Variants in PRKN observed in about 807,000 individuals in gnomAD.
The protein encoded by PRKN is parkin RBR E3 ubiquitin protein ligase, also known as E3 ubiquitin-protein ligase parkin.
PRKN carries 56 observed loss-of-function variants against 59.5 expected under a neutral mutation model. The observed-to-expected ratio is 0.94, with a 90% CI of 0.76 to 1.18. The LOEUF (loss-of-function observed/expected upper bound fraction) is 1.18, where lower values mean the gene tolerates loss of function less well. PRKN is among the 50% of genes most tolerant of loss of function. The pLI, the probability that PRKN is intolerant of heterozygous loss-of-function variation, is 0.00. For synonymous variants in PRKN, 250 were observed against 222.1 expected, an observed-to-expected ratio of 1.13 and a Z score of -1.12; for missense variants, 657 against 596.4, an observed-to-expected ratio of 1.10 and a Z score of -1.06.
chr6:162,182,703 T>G (rs73594228), intron 4 of PRKN, among the ~76,000 whole-genome samples: 10,212 of 152,314 alleles, frequency 0.067, 1,116 homozygotes, highest in African/African-American at 0.23. Context: ...CTCATTTTAT[T>G]GCACTTTTAC....
chr6:161,371,421 T>A lies in PRKN; in HGVS notation c.1168-11216A>T, dbSNP rs1785439779. 1.3e-5 allele frequency among the ~76,000 whole-genome samples: 2 copies of A among 152,050 alleles called. No homozygotes were observed. The highest frequency in any genetic ancestry group is 4.1e-4 in the South Asian group (2 of 4,828). ...CTCAGGTGATCTGCCCGCCTCCGTC[T>A]CCCAAAGTGCTTGGATTACAGGTGT... On this transcript the variant is annotated intron_variant, in intron 10 of 11. Transcript: ENST00000366898. This position sits in a 1 kb window ranked among gnomAD's most constrained non-coding sequence, Gnocchi z 5.5.
chr6:161,438,029 T>C (rs536056743), intron 9 of PRKN, among the ~76,000 whole-genome samples: 1 of 152,108 alleles, frequency 6.6e-6, no homozygotes, highest in Non-Finnish European at 1.5e-5. Flanking sequence ...AGAGCTGGTG[T>C]GAGTCGTACT....
At chr6:161,931,405 T>C (rs1234714935) in intron 6 of PRKN, among the ~76,000 whole-genome samples, 4 of 152,122 alleles carry the variant, frequency 2.6e-5, no homozygotes, top group Non-Finnish European at 5.9e-5. Flanking sequence ...ACCACTGCAC[T>C]CCAGCCTCCA....
At chr6:161,786,208 C>G (rs1438899888) in intron 6 of PRKN, among the ~76,000 whole-genome samples, 2 of 152,136 alleles carry the variant, frequency 1.3e-5, no homozygotes, top group Non-Finnish European at 2.9e-5. Flanking sequence ...TTCCCTGACT[C>G]AGAATTCCCA....
At chr6:162,611,339 G>A (rs897843668) in intron 1 of PRKN, among the ~76,000 whole-genome samples, 1 of 152,168 alleles carries the variant, frequency 6.6e-6, no homozygotes, top group African/African-American at 2.4e-5. Flanking sequence ...TTGCTACAAT[G>A]TGCTGATCTT....
intron 1 of PRKN, among the ~76,000 whole-genome samples, chr6:162,492,349 A>G (rs901262845): frequency 2.0e-5 from 3 of 152,212 alleles, no homozygotes; most frequent in South Asian, 2.1e-4. Context: ...CAACCATTCA[A>G]TGCAGGCTGA....
At chr6:161,783,662 G>A in intron 7 of PRKN, 3 of 505,850 alleles carry the variant, frequency 5.9e-6, no homozygotes, top group Non-Finnish European at 1.2e-5. Context: ...TATTGTTTGT[G>A]GCTTTGTGAA....
At chr6:162,414,573 T>C (rs955177057) in intron 2 of PRKN, among the ~76,000 whole-genome samples, 1 of 151,336 alleles carries the variant, frequency 6.6e-6, no homozygotes, top group Non-Finnish European at 1.5e-5. Flanking sequence ...TAGCCGCGCA[T>C]GGTTGGTGGT....
At chr6:162,600,439 T>A (rs1781661185) in intron 1 of PRKN, among the ~76,000 whole-genome samples, 1 of 152,220 alleles carries the variant, frequency 6.6e-6, no homozygotes, top group African/African-American at 2.4e-5. Flanking sequence ...TGAACATTTT[T>A]GTACAAGTCT....
At chr6:161,438,889 A>G (rs1433724347) in intron 9 of PRKN, among the ~76,000 whole-genome samples, 1 of 152,164 alleles carries the variant, frequency 6.6e-6, no homozygotes, top group Middle Eastern at 3.2e-3. Context: ...CATTTTGTTT[A>G]AGAAATATAA....
chr6:161,966,628 A>T (rs994503843), intron 6 of PRKN, among the ~76,000 whole-genome samples: 1 of 152,172 alleles, frequency 6.6e-6, no homozygotes, highest in Non-Finnish European at 1.5e-5. Flanking sequence ...CTTTTTGTTC[A>T]GCTTGTTATG....
At chr6:162,112,294 G>GT (rs1219497941) in intron 4 of PRKN, among the ~76,000 whole-genome samples, 1 of 152,120 alleles carries the variant, frequency 6.6e-6, no homozygotes, top group Non-Finnish European at 1.5e-5. Context: ...CCAGTCTAAA[G>GT]TTTTTTGAAA....
At chr6:161,521,212 T>C (rs1778808196) in intron 9 of PRKN, among the ~76,000 whole-genome samples, 1 of 85,244 alleles carries the variant, frequency 1.2e-5, no homozygotes, top group Non-Finnish European at 2.7e-5. Flanking sequence ...AAATGAAGAA[T>C]AAGAGAGTGA....
intron 1 of PRKN, among the ~76,000 whole-genome samples, chr6:162,642,496 A>C (rs2128224787): frequency 6.6e-6 from 1 of 152,196 alleles, no homozygotes; most frequent in East Asian, 1.9e-4. Context: ...TATAAAACAT[A>C]ATCACTGTTA....
chr6:161,853,553 T>G (rs1793520610), intron 6 of PRKN, among the ~76,000 whole-genome samples: 2 of 152,248 alleles, frequency 1.3e-5, no homozygotes, highest in African/African-American at 4.8e-5. Flanking sequence ...CACCAAGCAC[T>G]AAACTGAAAT....
chr6:162,348,800 A>C (rs1270545837), intron 2 of PRKN, among the ~76,000 whole-genome samples: 1 of 152,120 alleles, frequency 6.6e-6, no homozygotes, highest in Admixed American at 6.5e-5. Flanking sequence ...AAAAAAGAAA[A>C]AGAGAGAGAG....
intron 2 of PRKN, among the ~76,000 whole-genome samples, chr6:162,339,303 C>T (rs1218934580): frequency 1.4e-5 from 2 of 143,504 alleles, no homozygotes; most frequent in East Asian, 4.2e-4. Flanking sequence ...GGGGGTCAGC[C>T]CCCCGCCCGG....
intron 5 of PRKN, among the ~76,000 whole-genome samples, chr6:161,979,336 G>A (rs1488378925): frequency 6.6e-5 from 10 of 152,096 alleles, no homozygotes; most frequent in Admixed American, 1.3e-4. Context: ...GCAGTGGCAC[G>A]ATCTTGGCTT....
intron 3 of PRKN, among the ~76,000 whole-genome samples, chr6:162,225,886 G>A (rs1583226351): frequency 7.0e-6 from 1 of 143,168 alleles, no homozygotes; most frequent in Non-Finnish European, 1.5e-5. Flanking sequence ...ATGTAGGGCT[G>A]TATATATATA....
Sources: allele counts gnomAD v4.1 joint callset (sites outside exome capture counted in the v4.1 genomes callset), GRCh38; gene constraint gnomAD v4.1.1; non-coding constraint Gnocchi (gnomAD v3.1); transcripts MANE v1.5; gene names NCBI Gene and HGNC (gene_info 2026-07-23, HGNC 2026-07-21).